Variants in GRID2 observed in about 807,000 individuals in gnomAD.
The protein encoded by GRID2 is glutamate receptor ionotropic, delta-2.
In GRID2, 33 loss-of-function variants were observed where a neutral mutation model predicts 114.8. The observed-to-expected ratio is 0.29, with a 90% confidence interval of 0.22 to 0.38. GRID2 has a LOEUF of 0.38. Among genes scored for constraint, GRID2 ranks in the 10% least tolerant of loss-of-function variants. GRID2 has a pLI of 1.00. For missense variants in GRID2, 1,184 were observed against 1,257.7 expected (o/e 0.94, Z 0.89); for synonymous variants, 505 against 449.9 (o/e 1.12, Z -1.55).
chr4:92,349,324 A>C (rs1360695484), intron 1 of GRID2, among the ~76,000 whole-genome samples: 4 of 151,942 alleles, frequency 2.6e-5, no homozygotes, highest in African/African-American at 7.2e-5. Context: ...AAAATAATTG[A>C]CTTGTCCGTT....
intron 14 of GRID2, among the ~76,000 whole-genome samples, chr4:93,746,977 G>C (rs781081645): frequency 6.6e-6 from 1 of 151,874 alleles, no homozygotes; most frequent in African/African-American, 2.4e-5. Flanking sequence ...TTTTTGGTAT[G>C]TATGTGTTTT....
At chr4:92,451,828 C>A (rs1373148828) in intron 1 of GRID2, among the ~76,000 whole-genome samples, 1 of 152,086 alleles carries the variant, frequency 6.6e-6, no homozygotes, top group Non-Finnish European at 1.5e-5. Context: ...ATCAAAAGAG[C>A]CTAAGTATTC....
chr4:92,781,131 A>G (rs369165247), intron 2 of GRID2, among the ~76,000 whole-genome samples: 3 of 152,066 alleles, frequency 2.0e-5, no homozygotes, highest in African/African-American at 7.2e-5. Flanking sequence ...TTTTAGTCCC[A>G]GCTACTTGGG....
At chr4:92,441,457 G>C (rs560999652) in intron 1 of GRID2, among the ~76,000 whole-genome samples, 1 of 152,172 alleles carries the variant, frequency 6.6e-6, no homozygotes, top group South Asian at 2.1e-4. Context: ...TTGAGATATA[G>C]AACAGAATAA....
At chr4:92,584,073 G>A (rs187970386) in intron 1 of GRID2, among the ~76,000 whole-genome samples, 4 of 151,392 alleles carry the variant, frequency 2.6e-5, no homozygotes. Context: ...TATCAAAAAC[G>A]CTAATCTCTT....
intron 4 of GRID2, among the ~76,000 whole-genome samples, chr4:93,174,223 A>G (rs1324826911): frequency 6.6e-6 from 1 of 152,094 alleles, no homozygotes; most frequent in Non-Finnish European, 1.5e-5. Context: ...AGAGAGAACA[A>G]TTTCATCTAA....
At position 92,919,659 on chromosome 4, in the gene GRID2, G is replaced by GT. The variant is rs1324847900; in HGVS notation, c.245-165332dup. 6.6e-5 allele frequency among the ~76,000 whole-genome samples: 10 copies of GT among 152,286 alleles called. No homozygotes were observed. In the East Asian group the frequency reaches 1.9e-3, roughly 29 times the overall value. ...TGTTCAATTTCCATGTAGTTGAGCG[G>GT]TTTTGAGTGAGTTTCTTAATCCTGA... On this transcript the variant is annotated intron_variant, in intron 2 of 15. Coordinates refer to ENST00000282020, the MANE Select transcript of GRID2 (RefSeq NM_001510.4).
intron 14 of GRID2, among the ~76,000 whole-genome samples, chr4:93,680,663 A>G (rs1384919413): frequency 1.5e-5 from 2 of 130,668 alleles, no homozygotes; most frequent in African/African-American, 2.8e-5. Context: ...TATAAACAGA[A>G]CCAAAGACAA....
intron 2 of GRID2, among the ~76,000 whole-genome samples, chr4:92,756,483 ATAG>A (rs1395559798): frequency 2.6e-5 from 4 of 152,282 alleles, no homozygotes; most frequent in East Asian, 1.9e-4. Context: ...ATTCAATCAA[ATAG>A]TAGTTCTAAT....
intron 6 of GRID2, among the ~76,000 whole-genome samples, chr4:93,223,631 A>C (rs935678836): frequency 6.6e-6 from 1 of 152,148 alleles, no homozygotes; most frequent in Admixed American, 6.6e-5. Flanking sequence ...GAAAAACACA[A>C]ATGCTTTAAG....
At chr4:93,556,324 T>G (rs1007693787) in intron 13 of GRID2, among the ~76,000 whole-genome samples, 10 of 152,184 alleles carry the variant, frequency 6.6e-5, no homozygotes, top group African/African-American at 2.4e-4. Flanking sequence ...TGAAGGAACA[T>G]GTTCTAACCC....
intron 4 of GRID2, among the ~76,000 whole-genome samples, chr4:93,123,453 A>G (rs1733977618): frequency 6.6e-6 from 1 of 152,198 alleles, no homozygotes; most frequent in African/African-American, 2.4e-5. Context: ...TTTTTCACTT[A>G]TTCAATTATT....
intron 11 of GRID2, among the ~76,000 whole-genome samples, chr4:93,471,265 G>T (rs1342860980): frequency 6.6e-6 from 1 of 152,126 alleles, no homozygotes; most frequent in Non-Finnish European, 1.5e-5. Flanking sequence ...AGTAACTGAG[G>T]CTGTGCTGCT....
intron 14 of GRID2, among the ~76,000 whole-genome samples, chr4:93,705,846 C>T (rs940387591): frequency 3.3e-5 from 5 of 151,980 alleles, no homozygotes; most frequent in African/African-American, 1.2e-4. Context: ...TATTTTGATT[C>T]GAATTTTGCA....
chr4:93,195,981 T>G (rs1163413255), intron 4 of GRID2, among the ~76,000 whole-genome samples: 1 of 152,134 alleles, frequency 6.6e-6, no homozygotes, highest in East Asian at 1.9e-4. Context: ...AAGTGACATT[T>G]TGTTTGAGCA....
intron 4 of GRID2, among the ~76,000 whole-genome samples, chr4:93,141,566 A>G (rs975397144): frequency 6.6e-6 from 1 of 152,260 alleles, no homozygotes; most frequent in Non-Finnish European, 1.5e-5. Flanking sequence ...TTTGAAAAAA[A>G]AAGTCTTTAA....
chr4:93,618,391 G>T (rs954057296), intron 13 of GRID2, among the ~76,000 whole-genome samples: 2 of 152,138 alleles, frequency 1.3e-5, no homozygotes, highest in East Asian at 3.9e-4. Context: ...TGAGGATTCA[G>T]GTCTAGTTGT....
At chr4:92,532,778 A>T (rs1476231908) in intron 1 of GRID2, among the ~76,000 whole-genome samples, 3 of 152,190 alleles carry the variant, frequency 2.0e-5, no homozygotes, top group East Asian at 3.9e-4. Context: ...CCATTTTTTA[A>T]ATTTGTACTT....
chr4:92,666,907 C>T (rs1393272476), intron 2 of GRID2, among the ~76,000 whole-genome samples: 1 of 151,284 alleles, frequency 6.6e-6, no homozygotes, highest in Non-Finnish European at 1.5e-5. Context: ...GAGTGGGTGC[C>T]TGCCTTTGTG....
Sources: allele counts gnomAD v4.1 joint callset (sites outside exome capture counted in the v4.1 genomes callset), GRCh38; gene constraint gnomAD v4.1.1; transcripts MANE v1.5; gene names NCBI Gene and HGNC (gene_info 2026-07-23, HGNC 2026-07-21).